SEMA6A: variants seen among roughly 807,000 people sequenced by gnomAD.
SEMA6A encodes the protein semaphorin 6A.
In SEMA6A, 25 loss-of-function variants were observed where a neutral mutation model predicts 96.8. That is an observed-to-expected ratio of 0.26 (90% CI 0.19 to 0.36). The LOEUF (loss-of-function observed/expected upper bound fraction) is 0.36. SEMA6A is among the 10% of genes least tolerant of loss of function. The pLI, the probability that SEMA6A is intolerant of heterozygous loss-of-function variation, is 1.00. For missense variants in SEMA6A, 1,363 were observed against 1,323.1 expected, an observed-to-expected ratio of 1.03 and a Z score of -0.47; for synonymous variants, 612 against 518.0, an observed-to-expected ratio of 1.18 and a Z score of -2.46.
At chr5:116,494,677 G>T (rs112313243) in intron 6 of SEMA6A, among the ~76,000 whole-genome samples, 4 of 152,156 alleles carry the variant, frequency 2.6e-5, no homozygotes, top group Admixed American at 6.5e-5. Context: ...GAGGCCTCCT[G>T]TCTGTCTTTA....
At chr5:116,473,331 G>A (rs1204678060) in intron 16 of SEMA6A, among the ~76,000 whole-genome samples, 1 of 152,264 alleles carries the variant, frequency 6.6e-6, no homozygotes, top group Non-Finnish European at 1.5e-5. Context: ...CCAAGAGGCA[G>A]AGAAAATGCA....
chr5:116,457,373 A>G (rs200455338), intron 18 of SEMA6A, among the ~76,000 whole-genome samples: 3 of 152,276 alleles, frequency 2.0e-5, no homozygotes, highest in East Asian at 3.9e-4. Flanking sequence ...CCTTTCTAAT[A>G]AAGCATTGTC....
intron 1 of SEMA6A, among the ~76,000 whole-genome samples, chr5:116,510,851 T>C (rs758176647): frequency 3.3e-5 from 5 of 152,144 alleles, no homozygotes; most frequent in African/African-American, 9.7e-5. Flanking sequence ...CTCACACTAA[T>C]GCAAAGAAAT....
At chr5:116,502,132 A>G in intron 3 of SEMA6A, 78 bp downstream of exon 3, 2 of 1,086,314 alleles carry the variant, frequency 1.8e-6, no homozygotes, top group Middle Eastern at 2.0e-4. Flanking sequence ...AGATCTTAAA[A>G]ATAATGCATA....
chr5:116,469,472 G>A (rs1282341823), intron 17 of SEMA6A: 1 of 151,828 alleles, frequency 6.6e-6, no homozygotes, highest in East Asian at 1.9e-4. Flanking sequence ...CTGAATTCAA[G>A]ACTACTTTAA....
intron 18 of SEMA6A, chr5:116,449,187 A>G (rs903887670): frequency 2.7e-5 from 16 of 591,640 alleles, no homozygotes; most frequent in African/African-American, 2.6e-4. Flanking sequence ...GCTAAAAAAT[A>G]AAATCTCTAA....
chr5:116,496,563 AAAAG>A (rs1757612401), intron 4 of SEMA6A, among the ~76,000 whole-genome samples: 1 of 152,186 alleles, frequency 6.6e-6, no homozygotes, highest in South Asian at 2.1e-4. Flanking sequence ...GATGAAGGAG[AAAAG>A]AAAGAAGAAT....
intron 1 of SEMA6A, among the ~76,000 whole-genome samples, chr5:116,548,673 G>GCCCA: frequency 6.6e-6 from 1 of 152,264 alleles, no homozygotes; most frequent in African/African-American, 2.4e-5. Flanking sequence ...AGGAACAACT[G>GCCCA]CCCACAGATT....
At chr5:116,454,502 G>A (rs138344115) in intron 18 of SEMA6A, among the ~76,000 whole-genome samples, 76 of 152,154 alleles carry the variant, frequency 5.0e-4, no homozygotes, top group African/African-American at 1.7e-3. Flanking sequence ...GCCAAGCATC[G>A]CCCCGCTAAC....
intron 1 of SEMA6A, among the ~76,000 whole-genome samples, chr5:116,510,274 A>G (rs561880769): frequency 1.2e-4 from 19 of 152,156 alleles, no homozygotes; most frequent in Admixed American, 3.3e-4. Context: ...TAAATCTAAA[A>G]TTTTCATTTT....
intron 18 of SEMA6A, among the ~76,000 whole-genome samples, chr5:116,450,521 C>T (rs981172848): frequency 6.6e-6 from 1 of 152,162 alleles, no homozygotes; most frequent in Non-Finnish European, 1.5e-5. Flanking sequence ...TTTTAGCTCC[C>T]AAATATCATT....
intron 1 of SEMA6A, among the ~76,000 whole-genome samples, chr5:116,509,607 TGAGAGA>T (rs113431602): frequency 1.3e-5 from 2 of 150,444 alleles, no homozygotes; most frequent in African/African-American, 4.9e-5. Flanking sequence ...TCTGTGTGTG[TGAGAGA>T]GAGAGAGAGA....
intron 1 of SEMA6A, among the ~76,000 whole-genome samples, chr5:116,540,186 T>G (rs1330005796): frequency 6.6e-6 from 1 of 152,262 alleles, no homozygotes; most frequent in East Asian, 1.9e-4. Context: ...TTTCAAGGCA[T>G]GTAGTTACAT....
Position 116,446,937 on chromosome 5 carries a change from G to C in SEMA6A, c.2769C>G (p.Asn923Lys), listed in dbSNP as rs1754254040. ...GVDYKRSYPTNSLTRSHQATT... is the reference protein window; with the variant it reads ...GVDYKRSYPTKSLTRSHQATT... ...TGGCCTGGTGGCTTCTCGTGAGCGA[G>C]TTCGTGGGGTAGCTCCTCTTATAGT... The change falls in exon 19 of 19, where the codon AAC becomes AAG. Residue 923 changes from asparagine (N) to lysine (K), a missense_variant. Physicochemically the swap from Asn to Lys is moderately conservative, Grantham distance 94. Coordinates refer to ENST00000343348, the MANE Select transcript of SEMA6A (RefSeq NM_020796.5). 2.5e-6 allele frequency: 4 copies of C among 1,614,004 alleles called. No individual in the cohort carries two copies. Among genetic ancestry groups the C allele is most frequent in the Middle Eastern group, 1.6e-4 (1 of 6,062 alleles).
chr5:116,506,774 T>A (rs975406409), intron 1 of SEMA6A, among the ~76,000 whole-genome samples: 1 of 152,100 alleles, frequency 6.6e-6, no homozygotes, highest in Non-Finnish European at 1.5e-5. Context: ...CTCAGAGAAT[T>A]TGCAGCATAT....
chr5:116,540,593 G>A (rs1759917083), intron 1 of SEMA6A, among the ~76,000 whole-genome samples: 1 of 152,132 alleles, frequency 6.6e-6, no homozygotes, highest in Non-Finnish European at 1.5e-5. Context: ...AACATATATG[G>A]CAAGATAGGG....
chr5:116,488,056 G>A (rs1757143471), intron 9 of SEMA6A, 52 bp downstream of exon 9: 6 of 1,176,212 alleles, frequency 5.1e-6, no homozygotes, highest in Non-Finnish European at 7.5e-6. Context: ...GACCAAAGGT[G>A]TGGGTTTCTG....
chr5:116,528,002 T>C (rs1035686502), intron 1 of SEMA6A, among the ~76,000 whole-genome samples: 4 of 152,148 alleles, frequency 2.6e-5, no homozygotes, highest in African/African-American at 7.2e-5. Flanking sequence ...TTAACAACTT[T>C]TGCAAGACAT....
chr5:116,542,430 T>G (rs1760011592), intron 1 of SEMA6A, among the ~76,000 whole-genome samples: 1 of 152,210 alleles, frequency 6.6e-6, no homozygotes, highest in African/African-American at 2.4e-5. Context: ...ATATATCATT[T>G]TTAATACCCT....
Sources: allele counts gnomAD v4.1 joint callset (sites outside exome capture counted in the v4.1 genomes callset), GRCh38; gene constraint gnomAD v4.1.1; transcripts MANE v1.5; gene names NCBI Gene and HGNC (gene_info 2026-07-23, HGNC 2026-07-21).